Variants in KLHL36 observed in about 807,000 individuals in gnomAD.
The protein encoded by KLHL36 is kelch like family member 36.
Under a neutral mutation model 53.3 loss-of-function variants are expected in KLHL36, and 35 were observed. The observed-to-expected ratio is 0.66, with a 90% CI of 0.50 to 0.87. The LOEUF is 0.87. Ranked by LOEUF, KLHL36 falls within the 40% of genes least tolerant of loss-of-function variation. The pLI is 0.00. For synonymous variants in KLHL36, 472 were observed against 398.9 expected, an observed-to-expected ratio of 1.18 and a Z score of -2.18; for missense variants, 864 against 897.6, an observed-to-expected ratio of 0.96 and a Z score of 0.48.
At chr16:84,654,135 T>C (rs1907066461) in intron 2 of KLHL36, among the ~76,000 whole-genome samples, 1 of 152,196 alleles carries the variant, frequency 6.6e-6, no homozygotes, top group African/African-American at 2.4e-5. Context: ...TATCTCCGTC[T>C]AAGCATGGTA....
At position 84,665,329 on chromosome 16, in the gene KLHL36, A is replaced by G. The variant is rs1907779293; in HGVS notation, c.*3196A>G. 1.3e-5 allele frequency: 2 copies of G among 151,794 alleles called. No homozygotes were observed. Among genetic ancestry groups the G allele is most frequent in the South Asian group, 4.2e-4 (2 of 4,816 alleles). 9.4% of individuals were successfully genotyped at this position (151,794 alleles called of 1,614,324 possible). A position where few individuals can be genotyped will look rare whatever the true frequency, so the allele number is the denominator to read the frequency against. ...ACTTCTCTCATTTCTAAAGAATTAG[A>G]GTTGTAACTTCATATTAGTTGTAAG... On this transcript the variant is annotated 3_prime_UTR_variant, in exon 5 of 5. Transcript: ENST00000564996.
Position 84,661,223 on chromosome 16 carries a change from C to G in KLHL36, c.1296-355C>G, listed in dbSNP as rs1178564351. Among the ~76,000 whole-genome samples the G allele has an allele frequency of 6.6e-6, 1 of 152,200 alleles. No homozygotes were observed. Among genetic ancestry groups the G allele is most frequent in the Non-Finnish European group, 1.5e-5 (1 of 68,040 alleles). ...CGTATTTCCTCTTTGATGTGTGATT[C>G]ATCGGGTGCATGTGTGCCTGCTAGC... On this transcript the variant is annotated intron_variant, in intron 4 of 4. Coordinates refer to ENST00000564996, the MANE Select transcript of KLHL36 (RefSeq NM_024731.4). The surrounding 1 kb of genome is among the most constrained non-coding windows in gnomAD (Gnocchi z 7.9).
chr16:84,657,326 C>T lies in KLHL36; in HGVS notation c.519C>T (p.Asn173=). 1.2e-6 allele frequency: 2 copies of T among 1,613,564 alleles called. No individual in the cohort carries two copies. Among genetic ancestry groups the T allele is most frequent in the South Asian group, 1.1e-5 (1 of 91,084 alleles). ...CCTTCATCGATGGCTTCATCCTGAA[C>T]CACTTCGGCACGCTGTCCTTTACGC... The part of the protein sequence containing the change: ...LDAFIDGFIL[N]HFGTLSFTPD... The change falls in exon 3 of 5, where the codon AAC becomes AAT. Residue 173 remains asparagine, a synonymous_variant. Coordinates refer to ENST00000564996, the MANE Select transcript of KLHL36 (RefSeq NM_024731.4).
intron 2 of KLHL36, among the ~76,000 whole-genome samples, chr16:84,654,464 G>T (rs1203127713): frequency 2.6e-5 from 4 of 152,110 alleles, no homozygotes; most frequent in African/African-American, 9.7e-5. Context: ...CCTGGGCAAT[G>T]TAGTGAGACC....
Position 84,658,832 on chromosome 16 carries a change from G to C in KLHL36, c.1137+888G>C, listed in dbSNP as rs142876442. 292 of 152,234 alleles carry C rather than the reference G, an allele frequency of 1.9e-3. 3 individuals carry two copies. Among genetic ancestry groups the C allele is most frequent in the East Asian group, 0.018 (95 of 5,154 alleles). 9.4% of individuals were successfully genotyped at this position (152,234 alleles called of 1,614,324 possible). On this transcript the variant is annotated intron_variant, in intron 3 of 4. Transcript: ENST00000564996. ...AACCCAGTCAGAATGGACTCCAGCT[G>C]ACCTTTTGATTTTACTCTCAGAAAT...
intron 2 of KLHL36, among the ~76,000 whole-genome samples, chr16:84,656,433 C>A (rs780458565): frequency 6.6e-6 from 1 of 151,352 alleles, no homozygotes; most frequent in Non-Finnish European, 1.5e-5. Flanking sequence ...CCATGCCTGG[C>A]TAAATTTTGT....
At chr16:84,659,545 C>A (rs1907420950) in intron 3 of KLHL36, 1 of 543,650 alleles carries the variant, frequency 1.8e-6, no homozygotes, top group East Asian at 3.1e-5. Context: ...CTCAGAGCGT[C>A]TCCATCCCAC....
chr16:84,662,247 CT>C lies in KLHL36; in HGVS notation c.*118del. On this transcript the variant is annotated 3_prime_UTR_variant, in exon 5 of 5. Transcript: ENST00000564996. ...ATGTACAACTTAGCAGCTTTTTTTA[CT>C]TTTATGATTCTTGGTATTTCTATGA... 1.1e-6 allele frequency: 1 copy of C among 938,312 alleles called. No individual in the cohort carries two copies. The highest frequency in any genetic ancestry group is 1.5e-6 in the Non-Finnish European group (1 of 648,646). The allele number at this position is 938,312 out of a possible 1,614,324, so 58.1% of individuals were successfully genotyped here.
In KLHL36 at chr16:84,664,004, G is replaced by A. The variant is rs1429246745; in HGVS notation, c.*1871G>A. ...AGGCATACAAACAAACAGACCAAAA[G>A]GCTGGAAACTCTGCTTGGAGCTCTG... On this transcript the variant is annotated 3_prime_UTR_variant, in exon 5 of 5. Coordinates refer to ENST00000564996, the MANE Select transcript of KLHL36 (RefSeq NM_024731.4). The A allele has an allele frequency of 6.6e-6, 1 of 152,176 alleles. No individual in the cohort carries two copies. The highest frequency in any genetic ancestry group is 1.5e-5 in the Non-Finnish European group (1 of 68,042). 9.4% of individuals were successfully genotyped at this position (152,176 alleles called of 1,614,324 possible). A position where few individuals can be genotyped will look rare whatever the true frequency, so the allele number is the denominator to read the frequency against.
At position 84,661,808 on chromosome 16, in the gene KLHL36, A is replaced by T; in HGVS notation, c.1526A>T (p.Glu509Val). 1.2e-6 allele frequency: 2 copies of T among 1,610,684 alleles called. No homozygotes were observed. The highest frequency in any genetic ancestry group is 1.7e-6 in the Non-Finnish European group (2 of 1,177,592). Residue 509 changes from glutamate (E) to valine (V), a missense_variant, in exon 5 of 5, where the codon GAG becomes GTG. By Grantham distance (121) the Glu-to-Val change is moderately radical. Transcript: ENST00000564996. This position sits in a 1 kb window ranked among gnomAD's most constrained non-coding sequence, Gnocchi z 7.9. The stretch of plus-strand genomic sequence containing the variant: ...AGCGATGACAACATCGAGTCCATGG[A>T]GCGCTTCGACGTGCTGGGCGTGGAG... ...GGSDDNIESM[E>V]RFDVLGVEAY...
chr16:84,662,973 C>T lies in KLHL36; in HGVS notation c.*840C>T, dbSNP rs551473034. On this transcript the variant is annotated 3_prime_UTR_variant, in exon 5 of 5. Transcript: ENST00000564996. ...TTTTTCCTTTTTTTTTTTTCTGAACCCACTGTCTTTTATATTACTGATGTA... is the reference window on the plus strand; with the variant it reads ...TTTTTCCTTTTTTTTTTTTCTGAACTCACTGTCTTTTATATTACTGATGTA... 1.3e-5 allele frequency: 2 copies of T among 151,024 alleles called. No individual in the cohort carries two copies. Among genetic ancestry groups the T allele is most frequent in the South Asian group, 4.2e-4 (2 of 4,772 alleles). 9.4% of individuals were successfully genotyped at this position (151,024 alleles called of 1,614,324 possible). A position where few individuals can be genotyped will look rare whatever the true frequency, so the allele number is the denominator to read the frequency against.
chr16:84,657,609 G>T lies in KLHL36; in HGVS notation c.802G>T (p.Glu268Ter). The T allele has an allele frequency of 6.2e-7, 1 of 1,611,354 alleles. No individual in the cohort carries two copies. Among genetic ancestry groups the T allele is most frequent in the Non-Finnish European group, 8.5e-7 (1 of 1,179,808 alleles). Residue 268 changes from glutamate to a stop codon, truncating the protein, a stop_gained, in exon 3 of 5, where the codon GAG becomes TAG. Coordinates refer to ENST00000564996, the MANE Select transcript of KLHL36 (RefSeq NM_024731.4). LOFTEE classifies it high-confidence loss of function. ...GGAGGCCAACTGCGAGGGCTTCATCGAGGAGGCCGTGCGCTACCACAACAA... is the reference window on the plus strand; with the variant it reads ...GGAGGCCAACTGCGAGGGCTTCATCTAGGAGGCCGTGCGCTACCACAACAA... ...PKEANCEGFI[E>*]EAVRYHNNLA...
At chr16:84,652,124 G>C (rs1039954846) in intron 2 of KLHL36, among the ~76,000 whole-genome samples, 1 of 152,114 alleles carries the variant, frequency 6.6e-6, no homozygotes, top group African/African-American at 2.4e-5. Context: ...CAAGGGCTTT[G>C]TTTGGGAGCT....
intron 2 of KLHL36, among the ~76,000 whole-genome samples, chr16:84,652,168 A>G (rs1906926345): frequency 6.6e-6 from 1 of 152,146 alleles, no homozygotes; most frequent in Non-Finnish European, 1.5e-5. Flanking sequence ...TCTAAGTTTG[A>G]CAGCACTGGA....
chr16:84,659,665 G>C (rs1907428577), intron 3 of KLHL36, 95 bp from the exon 4 acceptor site: 1 of 1,270,060 alleles, frequency 7.9e-7, no homozygotes. Context: ...CTCCGGGGTT[G>C]TGCATTCCGC....
Position 84,657,542 on chromosome 16 carries a change from G to C in KLHL36, c.735G>C (p.Leu245=), listed in dbSNP as rs1907289215. ...IHFPLIPKND[L]LHRVKPAVCS... The stretch of plus-strand genomic sequence containing the variant: ...TCCCGCTCATCCCCAAGAACGACCT[G>C]CTGCACCGCGTCAAGCCGGCCGTGT... The change falls in exon 3 of 5, where the codon CTG becomes CTC. Residue 245 remains leucine (L), a synonymous_variant. Coordinates refer to ENST00000564996, the MANE Select transcript of KLHL36 (RefSeq NM_024731.4). 6.2e-7 allele frequency: 1 copy of C among 1,610,242 alleles called. No homozygotes were observed. Among genetic ancestry groups the C allele is most frequent in the Non-Finnish European group, 8.5e-7 (1 of 1,179,902 alleles).
chr16:84,652,274 C>CT (rs144092506), intron 2 of KLHL36, among the ~76,000 whole-genome samples: 149 of 146,346 alleles, frequency 1.0e-3, no homozygotes, highest in Middle Eastern at 3.6e-3. Flanking sequence ...ATGTTTCTAA[C>CT]TTTTTTTTTT....
intron 1 of KLHL36, among the ~76,000 whole-genome samples, chr16:84,649,841 C>T (rs1220691672): frequency 6.6e-6 from 1 of 151,674 alleles, no homozygotes. Flanking sequence ...CTCATGAACT[C>T]AAATAGCGGG....
rs1224890567 is a variant in KLHL36, at chr16:84,657,728, G to A, written c.921G>A (p.Arg307=). 8 of 1,612,376 alleles carry A rather than the reference G, an allele frequency of 5.0e-6. No individual in the cohort carries two copies. The African/African-American group carries it at 5.3e-5, about 11-fold the overall frequency. Residue 307 remains arginine (R), a synonymous_variant, in exon 3 of 5, where the codon CGG becomes CGA. Coordinates refer to ENST00000564996, the MANE Select transcript of KLHL36 (RefSeq NM_024731.4). ...TTGTGGGCGGCGAGGTCTCCGAGCG[G>A]TGTCTGGAGCTCAGTGACGACACCT... ...LLFVGGEVSE[R]CLELSDDTCY... is the part of the protein sequence containing the mutation.
Sources: gnomAD v4.1 joint callset for allele counts (sites outside exome capture counted in the v4.1 genomes callset) on GRCh38, gnomAD v4.1.1 for gene constraint, Gnocchi (gnomAD v3.1) non-coding constraint, MANE v1.5 for transcripts, NCBI Gene and HGNC (gene_info 2026-07-23, HGNC 2026-07-21) for gene names.